BBS4: variants seen among roughly 807,000 people sequenced by gnomAD.
BBS4 encodes the protein BBSome complex member BBS4.
In BBS4, 58 loss-of-function variants were observed where a neutral mutation model predicts 71.4. That is an observed-to-expected ratio of 0.81 (90% confidence interval 0.66 to 1.01). BBS4 has a LOEUF of 1.01. BBS4 is among the 50% of genes least tolerant of loss of function. BBS4 has a pLI of 0.00. For missense variants in BBS4, 660 were observed against 607.9 expected, an observed-to-expected ratio of 1.09 and a Z score of -0.90; for synonymous variants, 228 against 216.8, an observed-to-expected ratio of 1.05 and a Z score of -0.46.
chr15:72,687,800 G>A (rs1343271179), intron 1 of BBS4, among the ~76,000 whole-genome samples: 1 of 150,716 alleles, frequency 6.6e-6, no homozygotes, highest in East Asian at 2.0e-4. Flanking sequence ...ACGTGGTGGC[G>A]GGCGCTGGTA....
intron 4 of BBS4, 21 bp from the exon 5 acceptor site, chr15:72,715,270 G>A (rs1043594777): frequency 6.4e-7 from 1 of 1,571,644 alleles, no homozygotes; most frequent in Admixed American, 1.7e-5. Flanking sequence ...ACTTTTTTTT[G>A]TATTTTCTGT....
intron 1 of BBS4, among the ~76,000 whole-genome samples, chr15:72,694,224 T>C (rs1245300735): frequency 1.4e-5 from 2 of 147,768 alleles, no homozygotes; most frequent in African/African-American, 5.0e-5. Flanking sequence ...GTAGTCTTGC[T>C]CTGTTGCCCA....
chr15:72,736,916 T>C lies in BBS4; in HGVS notation c.1403T>C (p.Leu468Pro), dbSNP rs1368251535. The change falls in exon 15 of 16, where the codon CTA (leucine) becomes CCA (proline). Residue 468 changes from leucine to proline, a missense_variant. Coordinates refer to ENST00000268057, the MANE Select transcript of BBS4 (RefSeq NM_033028.5). Reference sequence around the variant, plus strand: ...CAGCCTCTGGGCTCTAATCAAGCTCTAGGACAGGCAATGTCTTCAGCAGCT... The same window carrying C: ...CAGCCTCTGGGCTCTAATCAAGCTCCAGGACAGGCAATGTCTTCAGCAGCT... ...FQQPLGSNQA[L>P]GQAMSSAAAY... 19 of 1,614,052 alleles carry C rather than the reference T, an allele frequency of 1.2e-5. No homozygotes were observed. Among genetic ancestry groups the C allele is most frequent in the Non-Finnish European group, 1.6e-5 (19 of 1,180,032 alleles).
intron 1 of BBS4, among the ~76,000 whole-genome samples, chr15:72,689,867 G>A (rs1229352215): frequency 1.3e-5 from 2 of 151,936 alleles, no homozygotes; most frequent in South Asian, 2.1e-4. Flanking sequence ...CTGGAGCGCA[G>A]TGGCGCGATC....
rs1405746961 is a variant in BBS4 at position 72,691,419 on chromosome 15, CCTA to C, written c.25-3755_25-3753del. ...TTTGAAACCTCCTAAATGCCTCTCT[CCTA>C]CTGCATTTTCCTTCCTCCACATCAG... On this transcript the variant is annotated intron_variant, in intron 1 of 15. Transcript: ENST00000268057. 3.9e-4 allele frequency among the ~76,000 whole-genome samples: 59 copies of C among 152,118 alleles called. 2 individuals are homozygous for C. The highest frequency in any genetic ancestry group is 1.5e-5 in the Non-Finnish European group (1 of 68,016).
chr15:72,725,696 TC>T (rs1350175934), intron 8 of BBS4, among the ~76,000 whole-genome samples: 6 of 123,374 alleles, frequency 4.9e-5, no homozygotes, highest in East Asian at 2.9e-4. Context: ...TTCCCCGTTT[TC>T]CCCTTCCCTT....
At chr15:72,703,768 A>C (rs541683696) in intron 2 of BBS4, among the ~76,000 whole-genome samples, 3 of 152,172 alleles carry the variant, frequency 2.0e-5, no homozygotes, top group Non-Finnish European at 4.4e-5. Context: ...TTTACTTGCA[A>C]TATATTTACA....
intron 9 of BBS4, 26 bp from the exon 10 acceptor site, chr15:72,729,590 A>C (rs377370524): frequency 1.9e-6 from 3 of 1,612,134 alleles, no homozygotes; most frequent in Non-Finnish European, 1.7e-6. Flanking sequence ...GCTGATGTAA[A>C]TTGTCTTGTT....
intron 5 of BBS4, among the ~76,000 whole-genome samples, chr15:72,715,760 T>C (rs1390706878): frequency 3.3e-5 from 5 of 152,226 alleles, no homozygotes; most frequent in Non-Finnish European, 5.9e-5. Context: ...TGTCACACAG[T>C]AAGTTTTTAG....
rs754831651 is a variant in BBS4 at position 72,729,612 on chromosome 15, C to T, written c.643-4C>T. 1.2e-5 allele frequency: 19 copies of T among 1,613,658 alleles called. No individual in the cohort carries two copies. On this transcript the variant is annotated splice_region_variant and splice_polypyrimidine_tract_variant and intron_variant, in intron 9 of 15. Transcript: ENST00000268057. ...TAAATTGTCTTGTTTGCTTTTTTTC[C>T]AAGCTCGGCATTTACCAGAAGGCAT...
intron 2 of BBS4, among the ~76,000 whole-genome samples, chr15:72,708,765 G>T (rs1817822517): frequency 6.6e-6 from 1 of 152,094 alleles, no homozygotes; most frequent in East Asian, 1.9e-4. Flanking sequence ...CTTGGAGGAG[G>T]TCTATAGGGC....
chr15:72,719,262 A>ATT (rs1437458213), intron 6 of BBS4, among the ~76,000 whole-genome samples: 6 of 95,516 alleles, frequency 6.3e-5, no homozygotes, highest in African/African-American at 1.9e-4. Flanking sequence ...TTACTTTCTA[A>ATT]ATTTTTTTTT....
In BBS4 at chr15:72,712,223, G is replaced by A. The variant is rs2065385835; in HGVS notation, c.157-21G>A. 5.0e-6 allele frequency: 8 copies of A among 1,611,930 alleles called. No homozygotes were observed. In the East Asian group the frequency reaches 1.8e-4, roughly 36 times the overall value. On this transcript the variant is annotated intron_variant, in intron 3 of 15. Coordinates refer to ENST00000268057, the MANE Select transcript of BBS4 (RefSeq NM_033028.5). ...GAAGAAACTTAACCACTGCTCAGAA[G>A]CATTTTTCTCCCTCTTTCAGGCTGT... is the stretch of plus-strand genomic sequence containing the variant.
intron 1 of BBS4, among the ~76,000 whole-genome samples, chr15:72,687,228 C>T (rs1398912728): frequency 6.7e-6 from 1 of 149,952 alleles, no homozygotes; most frequent in Non-Finnish European, 1.5e-5. Flanking sequence ...CAGCAATTCT[C>T]CTGCCTCAGC....
chr15:72,692,565 A>T (rs2065005786), intron 1 of BBS4, among the ~76,000 whole-genome samples: 1 of 151,484 alleles, frequency 6.6e-6, no homozygotes, highest in African/African-American at 2.4e-5. Context: ...GGCCTGCCTC[A>T]GCCTACCGAA....
chr15:72,705,400 G>A (rs1268219022), intron 2 of BBS4, among the ~76,000 whole-genome samples: 2 of 152,142 alleles, frequency 1.3e-5, no homozygotes, highest in Non-Finnish European at 1.5e-5. Context: ...TTGATGGAAC[G>A]AAAATTAGCT....
intron 15 of BBS4, 118 bp from the exon 16 acceptor site, chr15:72,737,360 G>C: frequency 1.2e-6 from 1 of 848,374 alleles, no homozygotes; most frequent in Non-Finnish European, 1.9e-6. Flanking sequence ...ATAGTTAATG[G>C]GTCAGTCCCA....
In BBS4 at chr15:72,710,195, G is replaced by GTTCTTTTTTTTTT. The variant is rs1239689474; in HGVS notation, c.156+418_156+419insCTTTTTTTTTTTT. 4.8e-4 allele frequency among the ~76,000 whole-genome samples: 50 copies of GTTCTTTTTTTTTT among 103,442 alleles called. 5 individuals carry two copies. Among genetic ancestry groups the GTTCTTTTTTTTTT allele is most frequent in the African/African-American group, 1.6e-3 (43 of 27,240 alleles). The allele number at this position is 103,442 out of a possible 152,430, so 67.9% of individuals were successfully genotyped here. ...TAGATGAAAAATGGTATTTTGTCGA[G>GTTCTTTTTTTTTT]TTTTTTTTTTTTTTTTTTTTTTTTT... On this transcript the variant is annotated intron_variant, in intron 3 of 15. Coordinates refer to ENST00000268057, the MANE Select transcript of BBS4 (RefSeq NM_033028.5).
intron 2 of BBS4, chr15:72,698,027 C>T (rs1276857503): frequency 4.4e-6 from 2 of 455,692 alleles, no homozygotes; most frequent in East Asian, 7.0e-5. Context: ...AAGATCTTAC[C>T]CATCATTGAG....
Sources: gnomAD v4.1 joint callset for allele counts (sites outside exome capture counted in the v4.1 genomes callset) on GRCh38, gnomAD v4.1.1 for gene constraint, MANE v1.5 for transcripts, NCBI Gene and HGNC (gene_info 2026-07-23, HGNC 2026-07-21) for gene names.